Variants in EXOC6B observed in about 807,000 individuals in gnomAD.
The protein encoded by EXOC6B is SEC15 homolog B.
A neutral mutation model predicts 113.5 loss-of-function variants in EXOC6B; 54 were observed. That is an observed-to-expected ratio of 0.48 (90% confidence interval 0.38 to 0.60). The LOEUF is 0.60. EXOC6B is among the 20% of genes least tolerant of loss of function. The pLI is 0.00. For synonymous variants in EXOC6B, 357 were observed against 339.0 expected (o/e 1.05, Z -0.58); for missense variants, 797 against 977.5 (o/e 0.82, Z 2.46).
intron 1 of EXOC6B, among the ~76,000 whole-genome samples, chr2:72,743,051 A>G (rs1191133576): frequency 1.3e-5 from 2 of 152,204 alleles, no homozygotes; most frequent in African/African-American, 4.8e-5. Flanking sequence ...CAATTGCCCA[A>G]GCCAAAAATC....
At chr2:72,454,773 C>T (rs986909697) in intron 18 of EXOC6B, among the ~76,000 whole-genome samples, 3 of 152,130 alleles carry the variant, frequency 2.0e-5, no homozygotes, top group African/African-American at 4.8e-5. Context: ...GAAAGAACAG[C>T]TCTGGCTTGG....
chr2:72,372,588 G>A (rs1284141510), intron 19 of EXOC6B, among the ~76,000 whole-genome samples: 1 of 152,122 alleles, frequency 6.6e-6, no homozygotes, highest in African/African-American at 2.4e-5. Flanking sequence ...GCTCACACCT[G>A]TAATCCCAGC....
At chr2:72,312,813 A>C (rs1341504942) in intron 20 of EXOC6B, among the ~76,000 whole-genome samples, 1 of 151,220 alleles carries the variant, frequency 6.6e-6, no homozygotes, top group Non-Finnish European at 1.5e-5. Flanking sequence ...AAAAAAAAAA[A>C]ACAAAAAACA....
intron 1 of EXOC6B, among the ~76,000 whole-genome samples, chr2:72,798,990 G>A (rs1003804940): frequency 6.6e-6 from 1 of 152,100 alleles, no homozygotes; most frequent in Admixed American, 6.5e-5. Context: ...TGTAATCCCA[G>A]CACCTTAGGA....
In EXOC6B at chr2:72,382,769, G is replaced by A. The variant is rs140185550; in HGVS notation, c.1981-2899C>T. On this transcript the variant is annotated intron_variant, in intron 18 of 21. Transcript: ENST00000272427. ...TGTCCATGGTTAGCTGTATTTCTAG[G>A]TATTTTATTTTTTTGTATGGGATTG... Among the ~76,000 whole-genome samples the A allele has an allele frequency of 5.3e-5, 8 of 152,022 alleles. No homozygotes were observed. The East Asian group carries it at 1.6e-3, about 29-fold the overall frequency.
Position 72,283,059 on chromosome 2 carries a change from T to C in EXOC6B, c.2196+51888A>G, listed in dbSNP as rs557531048. Among the ~76,000 whole-genome samples the C allele has an allele frequency of 3.3e-5, 5 of 152,282 alleles. No homozygotes were observed. The East Asian group carries it at 7.7e-4, about 23-fold the overall frequency. On this transcript the variant is annotated intron_variant, in intron 20 of 21. Coordinates refer to ENST00000272427, the MANE Select transcript of EXOC6B (RefSeq NM_015189.3). ...TGCCTATCATGATTAACAAACTTGA[T>C]TTAATTGATGTCTATAGAACACTAC... is the stretch of plus-strand genomic sequence containing the variant.
At chr2:72,534,337 C>A (rs1218333302) in intron 8 of EXOC6B, among the ~76,000 whole-genome samples, 2 of 151,910 alleles carry the variant, frequency 1.3e-5, no homozygotes, top group Non-Finnish European at 2.9e-5. Context: ...ATCCTCAGGG[C>A]GTGCCATGCT....
chr2:72,376,741 T>C lies in EXOC6B; in HGVS notation c.2122+2988A>G, dbSNP rs1349165380. Among the ~76,000 whole-genome samples, 4 of 152,306 alleles carry C rather than the reference T, an allele frequency of 2.6e-5. No individual in the cohort carries two copies. The East Asian group carries it at 5.8e-4, about 22-fold the overall frequency. ...TGTGTCATCAGTGGATCTATTTCTA[T>C]TGTCTATCTTTTCTTCTTTTATGGG... is the stretch of plus-strand genomic sequence containing the variant. On this transcript the variant is annotated intron_variant, in intron 19 of 21. Coordinates refer to ENST00000272427, the MANE Select transcript of EXOC6B (RefSeq NM_015189.3).
chr2:72,797,568 C>T (rs1255082506), intron 1 of EXOC6B, among the ~76,000 whole-genome samples: 1 of 152,188 alleles, frequency 6.6e-6, no homozygotes, highest in Non-Finnish European at 1.5e-5. Context: ...AATCCCAGCA[C>T]TTTGGGAGGC....
intron 6 of EXOC6B, among the ~76,000 whole-genome samples, chr2:72,581,029 T>G (rs1167159177): frequency 6.6e-6 from 1 of 152,158 alleles, no homozygotes; most frequent in African/African-American, 2.4e-5. Context: ...CAGTCACATA[T>G]CAACTCCGCA....
At chr2:72,754,613 T>C (rs374811185) in intron 1 of EXOC6B, among the ~76,000 whole-genome samples, 2 of 151,574 alleles carry the variant, frequency 1.3e-5, no homozygotes, top group East Asian at 1.9e-4. Context: ...AGCTTTTTTT[T>C]TTCTTTTTTT....
chr2:72,228,509 C>T (rs1403699344), intron 20 of EXOC6B, among the ~76,000 whole-genome samples: 4 of 150,128 alleles, frequency 2.7e-5, no homozygotes, highest in African/African-American at 7.4e-5. Context: ...TGAGTGAGAA[C>T]ATGCGGTGTT....
At chr2:72,483,680 G>A (rs1277949487) in intron 16 of EXOC6B, among the ~76,000 whole-genome samples, 1 of 152,156 alleles carries the variant, frequency 6.6e-6, no homozygotes, top group Non-Finnish European at 1.5e-5. Context: ...GTCTGTTAAC[G>A]AGGACTAAGT....
chr2:72,476,793 G>A (rs1309322768), intron 17 of EXOC6B, among the ~76,000 whole-genome samples: 1 of 152,062 alleles, frequency 6.6e-6, no homozygotes. Flanking sequence ...TGCTTCTCAG[G>A]TTGGTATTTA....
chr2:72,381,526 A>G (rs1202507531), intron 18 of EXOC6B, among the ~76,000 whole-genome samples: 4 of 152,302 alleles, frequency 2.6e-5, no homozygotes, highest in Middle Eastern at 3.4e-3. Flanking sequence ...TGAATCTAGC[A>G]GGCTTTAAAG....
intron 1 of EXOC6B, among the ~76,000 whole-genome samples, chr2:72,800,318 TA>T (rs1685209728): frequency 6.6e-6 from 1 of 152,266 alleles, no homozygotes; most frequent in South Asian, 2.1e-4. Flanking sequence ...ATCACCCAGT[TA>T]AATGATGAGT....
intron 1 of EXOC6B, among the ~76,000 whole-genome samples, chr2:72,793,606 T>C (rs544642938): frequency 1.3e-5 from 2 of 152,242 alleles, no homozygotes; most frequent in Admixed American, 6.5e-5. Flanking sequence ...AAAAAAGAGA[T>C]GACATTTGAA....
chr2:72,405,829 C>G (rs1213427468), intron 18 of EXOC6B, among the ~76,000 whole-genome samples: 1 of 152,188 alleles, frequency 6.6e-6, no homozygotes, highest in Non-Finnish European at 1.5e-5. Context: ...ATCATAATGA[C>G]AGGATCAAAT....
intron 8 of EXOC6B, among the ~76,000 whole-genome samples, chr2:72,551,027 G>A (rs1018886980): frequency 6.7e-6 from 1 of 150,226 alleles, no homozygotes; most frequent in Non-Finnish European, 1.5e-5. Context: ...ATGCATGCAA[G>A]TGACTGAGTT....
Sources: allele counts gnomAD v4.1 joint callset (sites outside exome capture counted in the v4.1 genomes callset), GRCh38; gene constraint gnomAD v4.1.1; transcripts MANE v1.5; gene names NCBI Gene and HGNC (gene_info 2026-07-23, HGNC 2026-07-21).